HERC3: variants seen among roughly 807,000 people sequenced by gnomAD.
HERC3 encodes probable E3 ubiquitin-protein ligase HERC3.
Under a neutral mutation model 129.9 loss-of-function variants are expected in HERC3, and 58 were observed. That is an observed-to-expected ratio of 0.45 (90% CI 0.36 to 0.56). The LOEUF (loss-of-function observed/expected upper bound fraction) is 0.56, where lower values mean the gene tolerates loss of function less well. Ranked by LOEUF, HERC3 falls within the 20% of genes least tolerant of loss-of-function variation. HERC3 has a pLI of 0.00. For missense variants in HERC3, 835 were observed against 1,244.2 expected (o/e 0.67, Z 4.95); for synonymous variants, 430 against 451.0 (o/e 0.95, Z 0.59).
chr4:88,673,533 T>C (rs1731834679), intron 16 of HERC3, among the ~76,000 whole-genome samples: 1 of 152,216 alleles, frequency 6.6e-6, no homozygotes, highest in African/African-American at 2.4e-5. Flanking sequence ...AGTACTTTAC[T>C]AGTTTTAAGT....
intron 3 of HERC3, among the ~76,000 whole-genome samples, chr4:88,606,774 A>T (rs889712548): frequency 6.6e-6 from 1 of 152,134 alleles, no homozygotes; most frequent in African/African-American, 2.4e-5. Context: ...TGCCCCCATA[A>T]TTCATTTACC....
chr4:88,529,753 CAA>C, the HERC3 span, among the ~76,000 whole-genome samples: 8 of 133,684 alleles, frequency 6.0e-5, no homozygotes, highest in African/African-American at 7.8e-5. Flanking sequence ...GACTATGTCT[CAA>C]AAAAAAAAAA....
intron 21 of HERC3, among the ~76,000 whole-genome samples, chr4:88,683,271 C>T (rs562592048): frequency 2.0e-5 from 3 of 152,080 alleles, no homozygotes; most frequent in Admixed American, 1.3e-4. Context: ...ACAACTTTAA[C>T]GGGAGGGAAC....
At chr4:88,601,541 T>C (rs1015110469) in intron 2 of HERC3, among the ~76,000 whole-genome samples, 1 of 152,258 alleles carries the variant, frequency 6.6e-6, no homozygotes, top group Non-Finnish European at 1.5e-5. Flanking sequence ...TCAGCTTTGA[T>C]GTGTTCGCCT....
At chr4:88,677,512 T>G (rs114696584) in intron 18 of HERC3, among the ~76,000 whole-genome samples, 2,143 of 152,156 alleles carry the variant, frequency 0.014, 55 homozygotes, top group African/African-American at 0.049. Flanking sequence ...TATATATATG[T>G]TTGTTTTCAT....
At position 88,654,149 on chromosome 4, in the gene HERC3, T is replaced by C; in HGVS notation, c.777+16T>C. On this transcript the variant is annotated intron_variant, in intron 7 of 25. Coordinates refer to ENST00000402738, the MANE Select transcript of HERC3 (RefSeq NM_014606.3). ...TCTCACAAAGGTAAGGAGCTCAGAG[T>C]ATTTTACTTTGGTGCTGGGGATATG... 2 of 1,573,200 alleles carry C rather than the reference T, an allele frequency of 1.3e-6. No individual in the cohort carries two copies. Among genetic ancestry groups the C allele is most frequent in the Non-Finnish European group, 8.7e-7 (1 of 1,143,640 alleles).
At chr4:88,662,848 A>G (rs1730636908) in intron 11 of HERC3, among the ~76,000 whole-genome samples, 1 of 152,148 alleles carries the variant, frequency 6.6e-6, no homozygotes, top group South Asian at 2.1e-4. Context: ...TTCTGCTAAG[A>G]GAGCTTAGCG....
At chr4:88,654,199 A>G in intron 7 of HERC3, 66 bp downstream of exon 7, 3 of 1,100,010 alleles carry the variant, frequency 2.7e-6, no homozygotes, top group Non-Finnish European at 2.8e-6. Context: ...TTGCTTGATT[A>G]TGTTAGTGTA....
rs554965617 is a variant in HERC3 at position 88,602,034 on chromosome 4, C to T, written c.-29-3761C>T. 4.9e-5 allele frequency among the ~76,000 whole-genome samples: 6 copies of T among 122,178 alleles called. 1 individual carries two copies. The highest frequency in any genetic ancestry group is 6.6e-5 in the Non-Finnish European group (4 of 60,202). 80.2% of individuals were successfully genotyped at this position (122,178 alleles called of 152,430 possible). Reference sequence around the variant, plus strand: ...TCCCGCCACTGCACTCCAGCCTGGGCGACAGAGCGAGACTCCGTCTCAAAA... The same window carrying T: ...TCCCGCCACTGCACTCCAGCCTGGGTGACAGAGCGAGACTCCGTCTCAAAA... On this transcript the variant is annotated intron_variant, in intron 2 of 25. Coordinates refer to ENST00000402738, the MANE Select transcript of HERC3 (RefSeq NM_014606.3).
chr4:88,622,324 C>A (rs962468401), intron 3 of HERC3, among the ~76,000 whole-genome samples: 36 of 152,208 alleles, frequency 2.4e-4, no homozygotes, highest in African/African-American at 4.8e-5. Context: ...TTAATTCTTT[C>A]TTATTCCCAA....
intron 2 of HERC3, among the ~76,000 whole-genome samples, chr4:88,603,227 G>A (rs1484990603): frequency 3.6e-5 from 5 of 139,062 alleles, no homozygotes; most frequent in South Asian, 2.3e-4. Flanking sequence ...TTTTTTTTGA[G>A]GTGGAGTTTT....
At chr4:88,687,404 C>A in intron 23 of HERC3, 105 bp downstream of exon 23, 1 of 577,240 alleles carries the variant, frequency 1.7e-6, no homozygotes, top group Non-Finnish European at 2.9e-6. Flanking sequence ...ATACCTTCTT[C>A]AGAGGAGGTA....
chr4:88,642,130 CAAAAAAAAAAA>C (rs200464130), intron 3 of HERC3, among the ~76,000 whole-genome samples: 1 of 77,030 alleles, frequency 1.3e-5, no homozygotes. Context: ...GACTCTGTCT[CAAAAAAAAAAA>C]AAAAAAAAAA....
the HERC3 span, among the ~76,000 whole-genome samples, chr4:88,558,594 C>T: frequency 6.6e-6 from 1 of 152,028 alleles, no homozygotes; most frequent in Non-Finnish European, 1.5e-5. Flanking sequence ...TCAGAAATCA[C>T]CACTAAAGAA....
upstream of HERC3, among the ~76,000 whole-genome samples, chr4:88,590,707 C>T (rs916387765): frequency 6.6e-6 from 1 of 152,226 alleles, no homozygotes; most frequent in African/African-American, 2.4e-5. Context: ...AAGTACCGGA[C>T]TCCTTCGTCT....
intron 3 of HERC3, among the ~76,000 whole-genome samples, chr4:88,646,240 C>CT (rs1297339432): frequency 2.6e-5 from 4 of 152,158 alleles, no homozygotes; most frequent in Non-Finnish European, 5.9e-5. Context: ...TCATATCATC[C>CT]TTCTCAGTTA....
At chr4:88,678,994 T>G (rs1037201283) in intron 19 of HERC3, among the ~76,000 whole-genome samples, 5 of 152,326 alleles carry the variant, frequency 3.3e-5, no homozygotes, top group Middle Eastern at 6.8e-3. Flanking sequence ...ATCTGTGTAA[T>G]CCAGGTCCCA....
the HERC3 span, chr4:88,527,828 A>G: frequency 3.0e-6 from 1 of 329,088 alleles, no homozygotes; most frequent in Non-Finnish European, 6.0e-6. Context: ...TTTGTTTACG[A>G]ACGGAAGCTG....
chr4:88,612,787 G>C (rs911827150), intron 3 of HERC3, among the ~76,000 whole-genome samples: 4 of 152,002 alleles, frequency 2.6e-5, no homozygotes, highest in Non-Finnish European at 4.4e-5. Flanking sequence ...GAAGTCTTGT[G>C]TGCCTTCCCC....
Sources: gnomAD v4.1 joint callset for allele counts (sites outside exome capture counted in the v4.1 genomes callset) on GRCh38, gnomAD v4.1.1 for gene constraint, MANE v1.5 for transcripts, NCBI Gene and HGNC (gene_info 2026-07-23, HGNC 2026-07-21) for gene names.